The following ELF2 variants were observed in gnomAD, a reference collection of about 807,000 sequenced individuals.
The protein encoded by ELF2 is E74 like ETS transcription factor 2.
Under a neutral mutation model 54.8 loss-of-function variants are expected in ELF2, and 11 were observed. The observed-to-expected ratio is 0.20, with a 90% CI of 0.13 to 0.33. The LOEUF (loss-of-function observed/expected upper bound fraction) is 0.33. Among genes scored for constraint, ELF2 ranks in the 10% least tolerant of loss-of-function variants. The pLI, the probability that ELF2 is intolerant of heterozygous loss-of-function variation, is 1.00. For missense variants in ELF2, 513 were observed against 703.0 expected (o/e 0.73, Z 3.06); for synonymous variants, 203 against 245.1 (o/e 0.83, Z 1.61).
intron 3 of ELF2, among the ~76,000 whole-genome samples, chr4:139,128,390 TTAAC>T (rs1331302752): frequency 6.6e-6 from 1 of 152,236 alleles, no homozygotes; most frequent in Non-Finnish European, 1.5e-5. Flanking sequence ...TAACTGAACT[TTAAC>T]TGATCGATCG....
chr4:139,081,984 A>T (rs183354171), intron 4 of ELF2, among the ~76,000 whole-genome samples: 1 of 152,208 alleles, frequency 6.6e-6, no homozygotes, highest in African/African-American at 2.4e-5. Context: ...AGCACTTTTT[A>T]AAACCCCTTA....
intron 7 of ELF2, among the ~76,000 whole-genome samples, chr4:139,065,028 T>C (rs908766773): frequency 2.6e-5 from 4 of 152,222 alleles, no homozygotes; most frequent in African/African-American, 9.6e-5. Context: ...ATTTTCTTTT[T>C]TTTGCATTTT....
chr4:139,074,277 G>A (rs751655580), intron 4 of ELF2, among the ~76,000 whole-genome samples: 1 of 152,196 alleles, frequency 6.6e-6, no homozygotes, highest in South Asian at 2.1e-4. Context: ...GAGGCTGGTT[G>A]TAGATTAAAA....
intron 6 of ELF2, among the ~76,000 whole-genome samples, chr4:139,068,881 C>CTTT (rs531534019): frequency 4.1e-5 from 6 of 145,776 alleles, no homozygotes; most frequent in Non-Finnish European, 9.1e-5. Flanking sequence ...AATACATACA[C>CTTT]TTTTTTTTTT....
At chr4:139,090,371 A>G (rs1230547389) in intron 4 of ELF2, among the ~76,000 whole-genome samples, 3 of 152,244 alleles carry the variant, frequency 2.0e-5, no homozygotes, top group African/African-American at 7.2e-5. Context: ...GTTGAGTAAC[A>G]AAAAATTTTT....
At chr4:139,074,820 C>T (rs796835092) in intron 4 of ELF2, among the ~76,000 whole-genome samples, 2 of 150,700 alleles carry the variant, frequency 1.3e-5, no homozygotes, top group African/African-American at 4.9e-5. Flanking sequence ...AAAAATACAA[C>T]AATTAAAAAT....
chr4:139,084,200 G>A (rs1338433958), intron 4 of ELF2: 18 of 1,613,036 alleles, frequency 1.1e-5, no homozygotes, highest in Non-Finnish European at 1.4e-5. Context: ...TGTTTATCCC[G>A]GGGCTGGAGC....
chr4:139,100,493 T>C (rs1294260694), intron 4 of ELF2: 1 of 152,204 alleles, frequency 6.6e-6, no homozygotes, highest in African/African-American at 2.4e-5. Flanking sequence ...GTATCTGCAC[T>C]AAGTTCGGCA....
At chr4:139,130,804 TCAA>T (rs759201178) in intron 3 of ELF2, among the ~76,000 whole-genome samples, 3 of 152,204 alleles carry the variant, frequency 2.0e-5, no homozygotes, top group South Asian at 2.1e-4. Context: ...AATAATAAAG[TCAA>T]CAAATTTTAA....
chr4:139,164,092 GAGGGAGAGAGAGAAAGAGGGAGGA>G (rs1176831075), intron 1 of ELF2, among the ~76,000 whole-genome samples: 1 of 149,282 alleles, frequency 6.7e-6, no homozygotes, highest in Admixed American at 6.7e-5. Context: ...GGGAGGGAGA[GAGGGAGAGAGAGAAAGAGGGAGGA>G]AGGGAGAGAG....
At chr4:139,095,811 A>G (rs944951742) in intron 4 of ELF2, among the ~76,000 whole-genome samples, 15 of 152,124 alleles carry the variant, frequency 9.9e-5, no homozygotes, top group Non-Finnish European at 1.9e-4. Context: ...TTGGGAGGCC[A>G]AGGCGGGTGG....
At chr4:139,074,806 T>TA (rs367661341) in intron 4 of ELF2, among the ~76,000 whole-genome samples, 5 of 147,622 alleles carry the variant, frequency 3.4e-5, no homozygotes, top group Admixed American at 6.7e-5. Context: ...GGGGAGGCAA[T>TA]AAAAAAAATA....
At chr4:139,108,883 A>C (rs568893259) in intron 4 of ELF2, among the ~76,000 whole-genome samples, 2 of 152,328 alleles carry the variant, frequency 1.3e-5, no homozygotes, top group Admixed American at 1.3e-4. Flanking sequence ...GAACATTTTA[A>C]GATCCGGGGC....
chr4:139,080,376 ACTG>A lies in ELF2; in HGVS notation c.239-6812_239-6810del, dbSNP rs1162091543. On this transcript the variant is annotated intron_variant, in intron 4 of 9. Transcript: ENST00000686138. ...CATACTGCTTTTAACTTCTTTTCAT[ACTG>A]CTAATTTTTTTTCAATTTGATCTTT... Among the ~76,000 whole-genome samples, 6 of 152,208 alleles carry A rather than the reference ACTG, an allele frequency of 3.9e-5. 1 individual carries two copies. The South Asian group carries it at 8.3e-4, about 21-fold the overall frequency.
At chr4:139,113,155 T>C (rs1321148888) in intron 4 of ELF2, among the ~76,000 whole-genome samples, 1 of 151,882 alleles carries the variant, frequency 6.6e-6, no homozygotes, top group East Asian at 1.9e-4. Context: ...CCCAGTAGTA[T>C]GAGACCAGCC....
chr4:139,124,755 TG>T (rs1163471054), intron 4 of ELF2, among the ~76,000 whole-genome samples: 1 of 152,194 alleles, frequency 6.6e-6, no homozygotes, highest in African/African-American at 2.4e-5. Flanking sequence ...GAAATCTTAT[TG>T]CTCCATCAAT....
intron 1 of ELF2, among the ~76,000 whole-genome samples, chr4:139,170,553 C>A (rs148642978): frequency 2.4e-4 from 37 of 151,142 alleles, no homozygotes; most frequent in African/African-American, 8.7e-4. Context: ...TGAGCCACCA[C>A]GCCCAGCCAC....
At chr4:139,173,014 A>G (rs915820603) in intron 1 of ELF2, among the ~76,000 whole-genome samples, 1 of 151,984 alleles carries the variant, frequency 6.6e-6, no homozygotes, top group African/African-American at 2.4e-5. Context: ...AAGTGAAAGA[A>G]GCCAGATACA....
rs1457776201 is a variant in ELF2 at position 139,101,292 on chromosome 4, TA to T, written c.238+23871del. 3.3e-5 allele frequency among the ~76,000 whole-genome samples: 5 copies of T among 152,068 alleles called. No homozygotes were observed. In the South Asian group the frequency reaches 8.3e-4, roughly 25 times the overall value. Reference sequence around the variant, plus strand: ...ATCTAATTTCTTGCTCTAGTTCACATAAAAAAAACACAGTGCCACACACATC... The same window carrying T: ...ATCTAATTTCTTGCTCTAGTTCACATAAAAAAACACAGTGCCACACACATC... On this transcript the variant is annotated intron_variant, in intron 4 of 9. Transcript: ENST00000686138.
Sources: allele counts gnomAD v4.1 joint callset (sites outside exome capture counted in the v4.1 genomes callset), GRCh38; gene constraint gnomAD v4.1.1; transcripts MANE v1.5; gene names NCBI Gene and HGNC (gene_info 2026-07-23, HGNC 2026-07-21).